SMC1A: variants seen among roughly 807,000 people sequenced by gnomAD.
SMC1A encodes structural maintenance of chromosomes 1A, also known as structural maintenance of chromosomes protein 1A.
A neutral mutation model predicts 94.5 loss-of-function variants in SMC1A; 4 were observed. The ratio of observed to expected loss-of-function variants is 0.04; its 90% CI spans 0.02 to 0.10. SMC1A has a LOEUF of 0.10. Ranked by LOEUF, SMC1A falls within the 10% of genes least tolerant of loss-of-function variation. The pLI is 1.00. For missense variants in SMC1A, 304 were observed against 989.0 expected, an observed-to-expected ratio of 0.31 and a Z score of 9.29; for synonymous variants, 345 against 347.7, an observed-to-expected ratio of 0.99 and a Z score of 0.09.
At position 53,409,554 on chromosome X, in the gene SMC1A, C is replaced by T. The variant is rs782103962; in HGVS notation, c.1255-51G>A. 4.8e-5 allele frequency: 48 copies of T among 999,083 alleles called. No homozygotes were observed. The Admixed American group carries it at 9.7e-4, about 20-fold the overall frequency. The allele number at this position is 999,083 out of a possible 1,213,427, so 82.3% of individuals were successfully genotyped here. A position where few individuals can be genotyped will look rare whatever the true frequency, so the allele number is the denominator to read the frequency against. On this transcript the variant is annotated intron_variant, in intron 7 of 24. Transcript: ENST00000322213. Reference sequence around the variant, plus strand: ...GGGGCTGCACGAGTTTACGCCAAGACCATGGGGGCTCTAGATCACACCCTT... The same window carrying T: ...GGGGCTGCACGAGTTTACGCCAAGATCATGGGGGCTCTAGATCACACCCTT...
At chrX:53,414,899 G>C in intron 2 of SMC1A, 29 bp from the exon 3 acceptor site, 1 of 1,189,006 alleles carries the variant, frequency 8.4e-7, no homozygotes, top group South Asian at 1.8e-5. Context: ...GTTGGCAAGG[G>C]TCAGGCCTCC....
intron 7 of SMC1A, 130 bp from the exon 8 acceptor site, chrX:53,409,633 T>C (rs2075703843): frequency 1.8e-6 from 1 of 540,770 alleles, no homozygotes; most frequent in African/African-American, 2.3e-5. Context: ...GTCACTAATA[T>C]AGGAGGCCTA....
At chrX:53,400,493 CA>C (rs1414817966) in intron 15 of SMC1A, among the ~76,000 whole-genome samples, 1 of 111,507 alleles carries the variant, frequency 9.0e-6, no homozygotes, top group African/African-American at 3.3e-5. Flanking sequence ...ACACCGAGTC[CA>C]CGATAACTAC....
In SMC1A at chrX:53,379,215, G is replaced by A. The variant is rs2146580277; in HGVS notation, c.*888C>T. On this transcript the variant is annotated 3_prime_UTR_variant, in exon 25 of 25. Coordinates refer to ENST00000322213, the MANE Select transcript of SMC1A (RefSeq NM_006306.4). The stretch of plus-strand genomic sequence containing the variant: ...AGATGAGGAAACTGAGGCACAGAAG[G>A]TCAAATGACTTGCCCAAGGTCAAAC... 1 of 111,881 alleles carries A rather than the reference G, an allele frequency of 8.9e-6. No homozygotes were observed. Among genetic ancestry groups the A allele is most frequent in the African/African-American group, 3.3e-5 (1 of 30,725 alleles). 9.2% of individuals were successfully genotyped at this position (111,881 alleles called of 1,213,427 possible).
chrX:53,382,026 G>A, intron 22 of SMC1A: 1 of 470,155 alleles, frequency 2.1e-6, no homozygotes, highest in Non-Finnish European at 3.7e-6. Flanking sequence ...GGCCGGTGAG[G>A]ACATGCTGAG....
intron 9 of SMC1A, 79 bp downstream of exon 9, chrX:53,408,983 T>A: frequency 1.0e-6 from 1 of 998,355 alleles, no homozygotes; most frequent in Non-Finnish European, 1.4e-6. Context: ...TTGGCAACCC[T>A]GTCCTTACAG....
chrX:53,385,371 C>T (rs1285929302), intron 19 of SMC1A, among the ~76,000 whole-genome samples: 4 of 105,515 alleles, frequency 3.8e-5, no homozygotes, highest in Admixed American at 1.0e-4. Flanking sequence ...CCCAGTTTCA[C>T]GCCATTCTCC....
chrX:53,414,912 C>T, intron 2 of SMC1A, 42 bp from the exon 3 acceptor site: 1 of 1,195,117 alleles, frequency 8.4e-7, no homozygotes, highest in Non-Finnish European at 1.1e-6. Flanking sequence ...AGGCCTCCTT[C>T]CTGTCCCAAT....
Position 53,422,595 on chromosome X carries a change from C to G in SMC1A, c.6G>C (p.Gly2=). 1 of 1,181,957 alleles carries G rather than the reference C, an allele frequency of 8.5e-7. No homozygotes were observed. The highest frequency in any genetic ancestry group is 1.2e-6 in the Non-Finnish European group (1 of 868,551). M[G]FLKLIEIENF... is the part of the protein sequence containing the mutation. ...TCTCAATCTCAATCAGTTTCAGGAA[C>G]CCCATGACGGCCGCGGCGCCGGCGG... The change falls in exon 1 of 25, where the codon GGG becomes GGC. Residue 2 remains glycine, a synonymous_variant. Coordinates refer to ENST00000322213, the MANE Select transcript of SMC1A (RefSeq NM_006306.4).
intron 19 of SMC1A, among the ~76,000 whole-genome samples, chrX:53,384,862 T>A (rs926795328): frequency 9.0e-5 from 10 of 110,516 alleles, no homozygotes; most frequent in Non-Finnish European, 1.9e-4. Context: ...AGAAGACTGT[T>A]TAGGCACAGG....
At chrX:53,399,283 T>C (rs1556888497) in intron 16 of SMC1A, among the ~76,000 whole-genome samples, 2 of 112,350 alleles carry the variant, frequency 1.8e-5, no homozygotes, top group African/African-American at 6.5e-5. Flanking sequence ...ATGGCTGGTA[T>C]TGAGCATTGT....
chrX:53,418,205 G>A (rs925896392), intron 1 of SMC1A, among the ~76,000 whole-genome samples: 1 of 111,930 alleles, frequency 8.9e-6, no homozygotes, highest in Non-Finnish European at 1.9e-5. Context: ...TCGCTCTATC[G>A]CCCACGCTAG....
intron 1 of SMC1A, among the ~76,000 whole-genome samples, chrX:53,421,175 C>A (rs1338511294): frequency 8.9e-6 from 1 of 111,934 alleles, no homozygotes; most frequent in Non-Finnish European, 1.9e-5. Context: ...AAGCATTAGC[C>A]CTCCAGGCCA....
chrX:53,399,449 TCCCG>T, intron 16 of SMC1A, 136 bp downstream of exon 16: 1 of 554,286 alleles, frequency 1.8e-6, no homozygotes, highest in Admixed American at 3.2e-5. Context: ...TATCCATTTT[TCCCG>T]TTTAGGTCTT....
In SMC1A at chrX:53,405,924, T is replaced by C. The variant is rs1210222346; in HGVS notation, c.1578A>G (p.Thr526=). The change falls in exon 10 of 25, where the codon ACA becomes ACG. Residue 526 remains threonine, a synonymous_variant. Coordinates refer to ENST00000322213, the MANE Select transcript of SMC1A (RefSeq NM_006306.4). ...TTACAGCAATCTGATACTTCTTTTGTGTGGGCTGGCATAGGTCAATGAGGC... is the reference window on the plus strand; with the variant it reads ...TTACAGCAATCTGATACTTCTTTTGCGTGGGCTGGCATAGGTCAATGAGGC... ...YGRLIDLCQP[T]QKKYQIAVTK... is the part of the protein sequence containing the mutation. 8 of 1,209,848 alleles carry C rather than the reference T, an allele frequency of 6.6e-6. No individual in the cohort carries two copies. In the Admixed American group the frequency reaches 8.8e-5, roughly 13 times the overall value.
Position 53,375,947 on chromosome X carries a change from T to C in SMC1A, c.*4156A>G, listed in dbSNP as rs999754790. The C allele has an allele frequency of 3.6e-5, 4 of 112,591 alleles. No individual in the cohort carries two copies. Among genetic ancestry groups the C allele is most frequent in the Admixed American group, 9.4e-5 (1 of 10,644 alleles). 9.3% of individuals were successfully genotyped at this position (112,591 alleles called of 1,213,427 possible). Reference sequence around the variant, plus strand: ...TTTTCCAGTCTCCTAGCTAATCTTGTCATCTCCATTCGCTCTCTCACAAAT... The same window carrying C: ...TTTTCCAGTCTCCTAGCTAATCTTGCCATCTCCATTCGCTCTCTCACAAAT... On this transcript the variant is annotated 3_prime_UTR_variant, in exon 25 of 25. Transcript: ENST00000322213.
Position 53,410,926 on chromosome X carries a change from C to CAAAAAAAAAAAAAA in SMC1A, c.1254+821_1254+834dup, listed in dbSNP as rs56669032. On this transcript the variant is annotated intron_variant, in intron 7 of 24. Transcript: ENST00000322213. ...TGGGCAACAGAGTGAGGCTTTGTCT[C>CAAAAAAAAAAAAAA]AAAAAAAAAAAAAAAAAAAGTAGCC... Among the ~76,000 whole-genome samples the CAAAAAAAAAAAAAA allele has an allele frequency of 5.1e-3, 146 of 28,806 alleles. 52 individuals carry two copies. Among genetic ancestry groups the CAAAAAAAAAAAAAA allele is most frequent in the African/African-American group, 0.021 (112 of 5,350 alleles). The allele number at this position is 28,806 out of a possible 115,157, so 25.0% of individuals were successfully genotyped here.
At chrX:53,397,389 T>C (rs2075655099) in intron 16 of SMC1A, among the ~76,000 whole-genome samples, 1 of 111,426 alleles carries the variant, frequency 9.0e-6, no homozygotes, top group Non-Finnish European at 1.9e-5. Flanking sequence ...GAGACCAGCC[T>C]GGACAATAAG....
chrX:53,411,737 C>T, intron 7 of SMC1A, 24 bp downstream of exon 7: 1 of 1,205,416 alleles, frequency 8.3e-7, no homozygotes, highest in Non-Finnish European at 1.1e-6. Context: ...GACCATCATC[C>T]CTAATCTTAT....
Sources: allele counts gnomAD v4.1 joint callset (sites outside exome capture counted in the v4.1 genomes callset), GRCh38; gene constraint gnomAD v4.1.1; transcripts MANE v1.5; gene names NCBI Gene and HGNC (gene_info 2026-07-23, HGNC 2026-07-21).